Variants in ECE1 observed in about 807,000 individuals in gnomAD.
ECE1 encodes the protein endothelin-converting enzyme 1.
ECE1 carries 35 observed loss-of-function variants against 98.6 expected under a neutral mutation model. The observed-to-expected ratio is 0.35, with a 90% CI of 0.27 to 0.47. ECE1 has a LOEUF of 0.47. Among genes scored for constraint, ECE1 ranks in the 20% least tolerant of loss-of-function variants. The pLI, the probability that ECE1 is intolerant of heterozygous loss-of-function variation, is 1.00. For missense variants in ECE1, 814 were observed against 1,025.3 expected, an observed-to-expected ratio of 0.79 and a Z score of 2.81; for synonymous variants, 394 against 407.1, an observed-to-expected ratio of 0.97 and a Z score of 0.39.
chr1:21,329,379 C>T (rs1291280318), intron 1 of ECE1, among the ~76,000 whole-genome samples: 2 of 152,174 alleles, frequency 1.3e-5, no homozygotes, highest in African/African-American at 4.8e-5. Flanking sequence ...GTGAGACTCA[C>T]CAGAAAGGGG....
chr1:21,286,878 T>C (rs900828705), intron 2 of ECE1, among the ~76,000 whole-genome samples: 5 of 149,560 alleles, frequency 3.3e-5, no homozygotes, highest in Non-Finnish European at 7.4e-5. Flanking sequence ...ATTGCGCCAC[T>C]GCACTCCAGC....
chr1:21,339,582 T>C (rs182138355), intron 1 of ECE1, among the ~76,000 whole-genome samples: 35 of 152,296 alleles, frequency 2.3e-4, no homozygotes, highest in Admixed American at 1.7e-3. Context: ...GCCAGGCACA[T>C]AGTAGATGCT....
At chr1:21,263,976 G>A (rs189803194) in intron 4 of ECE1, among the ~76,000 whole-genome samples, 7 of 152,330 alleles carry the variant, frequency 4.6e-5, no homozygotes, top group African/African-American at 1.4e-4. Context: ...TGCTGCAGGG[G>A]ACCAGGTGAG....
At chr1:21,239,078 C>G (rs2098192181) in intron 10 of ECE1, among the ~76,000 whole-genome samples, 1 of 152,018 alleles carries the variant, frequency 6.6e-6, no homozygotes, top group Non-Finnish European at 1.5e-5. Context: ...AGTGATCCAC[C>G]TGCCTTGACT....
At chr1:21,331,065 C>T (rs1030289988) in intron 1 of ECE1, among the ~76,000 whole-genome samples, 2 of 152,004 alleles carry the variant, frequency 1.3e-5, no homozygotes, top group East Asian at 1.9e-4. Context: ...CGCTTGAGCC[C>T]GAAGTTTGAG....
At position 21,260,189 on chromosome 1, in the gene ECE1, T is replaced by C; in HGVS notation, c.615+82A>G. 1 of 1,601,118 alleles carries C rather than the reference T, an allele frequency of 6.2e-7. No homozygotes were observed. Among genetic ancestry groups the C allele is most frequent in the Non-Finnish European group, 8.6e-7 (1 of 1,168,794 alleles). On this transcript the variant is annotated intron_variant, in intron 5 of 18. Coordinates refer to ENST00000374893, the MANE Select transcript of ECE1 (RefSeq NM_001397.3). The surrounding 1 kb of genome is among the most constrained non-coding windows in gnomAD (Gnocchi z 4.3). ...CTGGACGTATGAGGTGGGCCAGTGG[T>C]ACCAGAAGGCTGGAGTGGAAGCCAG...
intron 4 of ECE1, among the ~76,000 whole-genome samples, chr1:21,263,777 C>A (rs2098230235): frequency 6.6e-6 from 1 of 152,172 alleles, no homozygotes. Context: ...TCCCCACTGC[C>A]AATGCTGGCT....
intron 2 of ECE1, among the ~76,000 whole-genome samples, chr1:21,284,987 C>T (rs934790608): frequency 5.3e-5 from 8 of 152,090 alleles, no homozygotes; most frequent in Non-Finnish European, 1.0e-4. Context: ...ACCCTGCCTC[C>T]GAAAGTTCCC....
chr1:21,339,726 C>T (rs1485230349), intron 1 of ECE1, among the ~76,000 whole-genome samples: 1 of 152,226 alleles, frequency 6.6e-6, no homozygotes, highest in Non-Finnish European at 1.5e-5. Context: ...ATGTTAGATC[C>T]CCACCTAGCC....
In ECE1 at chr1:21,247,236, TTGA is replaced by T; in HGVS notation, c.1145_1147del (p.Ile382del). 6.2e-7 allele frequency: 1 copy of T among 1,614,028 alleles called. No individual in the cohort carries two copies. The highest frequency in any genetic ancestry group is 8.5e-7 in the Non-Finnish European group (1 of 1,179,950). ...GTCCTCTTACCATCTGTCGGTGGTG[TTGA>T]TGAGAGTGGAGATCTGCTCAAGGTA... is the stretch of plus-strand genomic sequence containing the variant. On this transcript the variant is annotated inframe_deletion, in exon 9 of 19. Coordinates refer to ENST00000374893, the MANE Select transcript of ECE1 (RefSeq NM_001397.3).
In ECE1 at chr1:21,260,632, G is replaced by C. The variant is rs1467076839; in HGVS notation, c.494-240C>G. On this transcript the variant is annotated intron_variant, in intron 4 of 18. Transcript: ENST00000374893. The surrounding 1 kb of genome is among the most constrained non-coding windows in gnomAD (Gnocchi z 4.3). ...ACTGCAAAGAAAAAGAATCGACCACGTTTCTCTCCCTCTGCCAGTTGGGTT... is the reference window on the plus strand; with the variant it reads ...ACTGCAAAGAAAAAGAATCGACCACCTTTCTCTCCCTCTGCCAGTTGGGTT... Among the ~76,000 whole-genome samples the C allele has an allele frequency of 6.6e-6, 1 of 152,158 alleles. No homozygotes were observed. The highest frequency in any genetic ancestry group is 1.5e-5 in the Non-Finnish European group (1 of 68,026).
rs1638978000 is a variant in ECE1 at position 21,322,118 on chromosome 1, T to C, written c.3+23258A>G. ...CCTCACTGCTGCCCCACCTGGCTCA[T>C]GTCAGGAGCTGGAACAACTTCTGAA... On this transcript the variant is annotated intron_variant, in intron 1 of 18. Transcript: ENST00000415912. This position sits in a 1 kb window ranked among gnomAD's most constrained non-coding sequence, Gnocchi z 4.1. 6.6e-6 allele frequency among the ~76,000 whole-genome samples: 1 copy of C among 152,158 alleles called. No individual in the cohort carries two copies. Among genetic ancestry groups the C allele is most frequent in the Non-Finnish European group, 1.5e-5 (1 of 68,028 alleles).
rs2098225373 is a variant in ECE1, at chr1:21,260,480, G to A, written c.494-88C>T. The A allele has an allele frequency of 6.6e-7, 1 of 1,516,596 alleles. No individual in the cohort carries two copies. The highest frequency in any genetic ancestry group is 2.3e-5 in the East Asian group (1 of 44,402). 93.9% of individuals were successfully genotyped at this position (1,516,596 alleles called of 1,614,324 possible). On this transcript the variant is annotated intron_variant, in intron 4 of 18. Transcript: ENST00000374893. The surrounding 1 kb of genome is among the most constrained non-coding windows in gnomAD (Gnocchi z 4.3). ...CAGTCCCTCTTTTCGGAGCCTTGGTGTTCTCAGCTGCAAAGGAGCTCTGAC... is the reference window on the plus strand; with the variant it reads ...CAGTCCCTCTTTTCGGAGCCTTGGTATTCTCAGCTGCAAAGGAGCTCTGAC...
At chr1:21,222,072 C>T (rs1312771495) in intron 17 of ECE1, 3 of 568,332 alleles carry the variant, frequency 5.3e-6, no homozygotes, top group Non-Finnish European at 9.5e-6. Flanking sequence ...CCTTCTGCTC[C>T]AGCCTCTTCC....
chr1:21,232,589 G>A (rs2103229311), intron 14 of ECE1, among the ~76,000 whole-genome samples: 1 of 151,942 alleles, frequency 6.6e-6, no homozygotes, highest in African/African-American at 2.4e-5. Context: ...CTGAGCTACT[G>A]TGATTGACCT....
chr1:21,252,158 TC>T (rs2098213653), intron 8 of ECE1, among the ~76,000 whole-genome samples: 1 of 152,180 alleles, frequency 6.6e-6, no homozygotes, highest in African/African-American at 2.4e-5. Context: ...CGGTGAGAAA[TC>T]CCTGTGTACT....
In ECE1 at chr1:21,233,777, A is replaced by C; in HGVS notation, c.1567-116T>G. ...ATTAATCTGCAGGCTGGAGACCGGA[A>C]TGCAGGGCTTGGGGCTGCAGGGTCA... On this transcript the variant is annotated intron_variant, in intron 13 of 18. Transcript: ENST00000374893. This position sits in a 1 kb window ranked among gnomAD's most constrained non-coding sequence, Gnocchi z 4.0. 1 of 956,476 alleles carries C rather than the reference A, an allele frequency of 1.0e-6. No individual in the cohort carries two copies. The highest frequency in any genetic ancestry group is 2.7e-5 in the East Asian group (1 of 37,422). 59.2% of individuals were successfully genotyped at this position (956,476 alleles called of 1,614,324 possible). A position where few individuals can be genotyped will look rare whatever the true frequency, so the allele number is the denominator to read the frequency against.
At chr1:21,291,985 T>TA (rs2098266989), upstream of ECE1, among the ~76,000 whole-genome samples, 1 of 148,504 alleles carries the variant, frequency 6.7e-6, no homozygotes, top group African/African-American at 2.5e-5. Flanking sequence ...TATATATATA[T>TA]TTATATATTA....
rs1252004506 is a variant in ECE1, at chr1:21,227,164, T to C, written c.1844A>G (p.Asp615Gly). The change falls in exon 16 of 19, where the codon GAT becomes GGT. Residue 615 changes from aspartate (D) to glycine (G), a missense_variant. Transcript: ENST00000374893. ...TGCCCAGCTGGAATTCGTACCTTGA[T>C]CATCAAAAGCATGAGTCAGCTCATG... is the stretch of plus-strand genomic sequence containing the variant. ...VGHELTHAFDDQGREYDKDGN... is the reference protein window; with the variant it reads ...VGHELTHAFDGQGREYDKDGN... The C allele has an allele frequency of 3.7e-6, 6 of 1,613,992 alleles. No individual in the cohort carries two copies.
Sources: allele counts gnomAD v4.1 joint callset (sites outside exome capture counted in the v4.1 genomes callset), GRCh38; gene constraint gnomAD v4.1.1; non-coding constraint Gnocchi (gnomAD v3.1); transcripts MANE v1.5; gene names NCBI Gene and HGNC (gene_info 2026-07-23, HGNC 2026-07-21).